KCND2: variants seen among roughly 807,000 people sequenced by gnomAD.
KCND2 encodes the protein A-type voltage-gated potassium channel KCND2.
In KCND2, 16 loss-of-function variants were observed where a neutral mutation model predicts 54.4. That is an observed-to-expected ratio of 0.29 (90% CI 0.20 to 0.45). The LOEUF (loss-of-function observed/expected upper bound fraction) is 0.45. Ranked by LOEUF, KCND2 falls within the 20% of genes least tolerant of loss-of-function variation. The pLI, the probability that KCND2 is intolerant of heterozygous loss-of-function variation, is 1.00. For missense variants in KCND2, 486 were observed against 824.2 expected (o/e 0.59, Z 5.02); for synonymous variants, 317 against 310.7 (o/e 1.02, Z -0.21).
chr7:120,736,980 C>T (rs865988763), intron 2 of KCND2, among the ~76,000 whole-genome samples: 1 of 149,646 alleles, frequency 6.7e-6, no homozygotes, highest in Non-Finnish European at 1.5e-5. Context: ...CCATTTATCA[C>T]ACCCTGCTAG....
In KCND2 at chr7:120,328,330, C is replaced by T. The variant is rs181690309; in HGVS notation, c.1115+52583C>T. Reference sequence around the variant, plus strand: ...TTGTGCTAGGCTCTGTGAATTATCTCATCTAGTTTTTAGAGAAAAACAGTT... The same window carrying T: ...TTGTGCTAGGCTCTGTGAATTATCTTATCTAGTTTTTAGAGAAAAACAGTT... On this transcript the variant is annotated intron_variant, in intron 1 of 5. Transcript: ENST00000331113. Among the ~76,000 whole-genome samples, 6 of 152,228 alleles carry T rather than the reference C, an allele frequency of 3.9e-5. No homozygotes were observed. The East Asian group carries it at 9.6e-4, about 24-fold the overall frequency.
chr7:120,475,202 A>G (rs1802516349), intron 1 of KCND2, among the ~76,000 whole-genome samples: 2 of 152,376 alleles, frequency 1.3e-5, no homozygotes, highest in South Asian at 4.1e-4. Flanking sequence ...GCCCTTAAGA[A>G]CCAAGAGGTA....
chr7:120,404,766 TG>T (rs36173771), intron 1 of KCND2, among the ~76,000 whole-genome samples: 9,937 of 103,180 alleles, frequency 0.096, 1,077 homozygotes, highest in East Asian at 0.57. Flanking sequence ...CACTGATTTT[TG>T]GGGGGGGACC....
intron 1 of KCND2, among the ~76,000 whole-genome samples, chr7:120,450,363 C>T (rs575149949): frequency 5.3e-5 from 8 of 152,112 alleles, no homozygotes; most frequent in South Asian, 2.1e-4. Context: ...GAGCCGAGAT[C>T]GCGTCACTGC....
At chr7:120,463,910 G>A (rs1451579706) in intron 1 of KCND2, 1 of 180,528 alleles carries the variant, frequency 5.5e-6, no homozygotes, top group African/African-American at 2.8e-5. Context: ...TTGATAGATA[G>A]ATAGATAGAT....
At chr7:120,676,591 A>C (rs1200867423) in intron 1 of KCND2, among the ~76,000 whole-genome samples, 1 of 152,152 alleles carries the variant, frequency 6.6e-6, no homozygotes, top group Non-Finnish European at 1.5e-5. Context: ...CCACAACTTC[A>C]TATTTCTATT....
chr7:120,694,413 A>C (rs2116607445), intron 1 of KCND2, among the ~76,000 whole-genome samples: 1 of 152,318 alleles, frequency 6.6e-6, no homozygotes, highest in African/African-American at 2.4e-5. Flanking sequence ...TCCATAAATA[A>C]ATAATGATGA....
chr7:120,365,575 C>T (rs1006720134), intron 1 of KCND2, among the ~76,000 whole-genome samples: 1 of 152,102 alleles, frequency 6.6e-6, no homozygotes, highest in Non-Finnish European at 1.5e-5. Flanking sequence ...ATGCCCTGAA[C>T]AAGCCTGCGT....
intron 1 of KCND2, among the ~76,000 whole-genome samples, chr7:120,283,267 G>A (rs1799291650): frequency 6.6e-6 from 1 of 152,114 alleles, no homozygotes; most frequent in Non-Finnish European, 1.5e-5. Context: ...AAGTAGTTAG[G>A]ACTAGACTAT....
chr7:120,734,119 T>A (rs904800043), intron 2 of KCND2, among the ~76,000 whole-genome samples: 2 of 152,016 alleles, frequency 1.3e-5, no homozygotes, highest in African/African-American at 4.8e-5. Context: ...GAAAGTGACA[T>A]ACAGAAAACA....
chr7:120,591,313 G>A (rs947685373), intron 1 of KCND2, among the ~76,000 whole-genome samples: 1 of 152,110 alleles, frequency 6.6e-6, no homozygotes, highest in Non-Finnish European at 1.5e-5. Flanking sequence ...AAGTATCATC[G>A]GTAGTGAAAA....
intron 1 of KCND2, among the ~76,000 whole-genome samples, chr7:120,444,693 CT>C (rs1011308807): frequency 6.6e-6 from 1 of 152,008 alleles, no homozygotes; most frequent in African/African-American, 2.4e-5. Context: ...AGCTTAAAAC[CT>C]TAAAACTAAA....
intron 1 of KCND2, among the ~76,000 whole-genome samples, chr7:120,559,871 T>G (rs1792212331): frequency 6.6e-6 from 1 of 152,144 alleles, no homozygotes; most frequent in African/African-American, 2.4e-5. Flanking sequence ...AAGCAAGGCC[T>G]TAATGAATAG....
intron 1 of KCND2, among the ~76,000 whole-genome samples, chr7:120,540,193 G>C (rs1287678270): frequency 6.6e-6 from 1 of 152,072 alleles, no homozygotes; most frequent in Non-Finnish European, 1.5e-5. Context: ...AAATGAAATA[G>C]CTAGAGGATC....
chr7:120,688,415 G>T (rs1792230364), intron 1 of KCND2, among the ~76,000 whole-genome samples: 1 of 152,046 alleles, frequency 6.6e-6, no homozygotes. Context: ...TCCCATATCA[G>T]CCATTTAAAA....
chr7:120,345,945 C>T (rs757774755), intron 1 of KCND2, among the ~76,000 whole-genome samples: 16 of 152,096 alleles, frequency 1.1e-4, no homozygotes, highest in Non-Finnish European at 1.6e-4. Context: ...AATGATTGCA[C>T]CATTTCACAT....
chr7:120,502,238 T>G (rs1026501799), intron 1 of KCND2, among the ~76,000 whole-genome samples: 1 of 152,038 alleles, frequency 6.6e-6, no homozygotes, highest in Non-Finnish European at 1.5e-5. Flanking sequence ...TGCTAAAAGC[T>G]GGCTGTTAGC....
intron 1 of KCND2, among the ~76,000 whole-genome samples, chr7:120,441,660 TAGA>T (rs1801947154): frequency 6.6e-6 from 1 of 152,170 alleles, no homozygotes; most frequent in African/African-American, 2.4e-5. Flanking sequence ...AGTTAACCTG[TAGA>T]AGATTTTCCT....
At chr7:120,678,486 CAT>C (rs1248168842) in intron 1 of KCND2, among the ~76,000 whole-genome samples, 2 of 145,582 alleles carry the variant, frequency 1.4e-5, no homozygotes, top group African/African-American at 5.0e-5. Flanking sequence ...CATACATACA[CAT>C]AAATATACAT....
Sources: allele counts gnomAD v4.1 joint callset (sites outside exome capture counted in the v4.1 genomes callset), GRCh38; gene constraint gnomAD v4.1.1; transcripts MANE v1.5; gene names NCBI Gene and HGNC (gene_info 2026-07-23, HGNC 2026-07-21).